PDCD6IP: variants seen among roughly 807,000 people sequenced by gnomAD.
PDCD6IP encodes programmed cell death 6 interacting protein, also known as programmed cell death 6-interacting protein.
PDCD6IP carries 43 observed loss-of-function variants against 103.7 expected under a neutral mutation model. The ratio of observed to expected loss-of-function variants is 0.41; its 90% CI spans 0.32 to 0.53. The LOEUF is 0.53. PDCD6IP is among the 20% of genes least tolerant of loss of function. PDCD6IP has a pLI of 0.16. For synonymous variants in PDCD6IP, 354 were observed against 378.7 expected (o/e 0.93, Z 0.76); for missense variants, 871 against 1,036.7 (o/e 0.84, Z 2.20).
intron 9 of PDCD6IP, among the ~76,000 whole-genome samples, chr3:33,840,886 G>A (rs554416087): frequency 6.6e-6 from 1 of 152,154 alleles, no homozygotes; most frequent in African/African-American, 2.4e-5. Context: ...TAGAGATGCT[G>A]TAACAATCAA....
At chr3:33,854,170 A>G (rs531114287) in intron 14 of PDCD6IP, among the ~76,000 whole-genome samples, 157 bp downstream of exon 14, 3 of 152,200 alleles carry the variant, frequency 2.0e-5, no homozygotes, top group Non-Finnish European at 4.4e-5. Context: ...TAGGAGGGAG[A>G]AAGCTTAATG....
intron 15 of PDCD6IP, among the ~76,000 whole-genome samples, chr3:33,861,416 C>T (rs1035074237): frequency 2.0e-5 from 3 of 152,164 alleles, no homozygotes; most frequent in African/African-American, 7.2e-5. Flanking sequence ...GCTGGGATTA[C>T]AGGCGTGAGC....
At chr3:33,826,603 A>T (rs1312687509) in intron 6 of PDCD6IP, 23 bp downstream of exon 6, 2 of 1,609,822 alleles carry the variant, frequency 1.2e-6, no homozygotes, top group African/African-American at 2.7e-5. Context: ...TTTTATAAAC[A>T]CTTGCTTACT....
intron 8 of PDCD6IP, among the ~76,000 whole-genome samples, chr3:33,836,625 A>T (rs1203571824): frequency 6.6e-6 from 1 of 151,246 alleles, no homozygotes; most frequent in Non-Finnish European, 1.5e-5. Context: ...GGAGGCTGAG[A>T]TGGGTAGATT....
intron 1 of PDCD6IP, among the ~76,000 whole-genome samples, chr3:33,800,354 TG>T (rs2125538627): frequency 6.6e-6 from 1 of 152,208 alleles, no homozygotes; most frequent in East Asian, 1.9e-4. Context: ...TGGAAGTCCA[TG>T]GGAGGCTCCT....
chr3:33,821,284 A>G lies in PDCD6IP; in HGVS notation c.335-671A>G, dbSNP rs1029787858. 2.6e-5 allele frequency among the ~76,000 whole-genome samples: 4 copies of G among 151,754 alleles called. No individual in the cohort carries two copies. The South Asian group carries it at 8.3e-4, about 31-fold the overall frequency. The stretch of plus-strand genomic sequence containing the variant: ...CTCAGCCTACTAAAGTGCTGAGATT[A>G]CAGGAGTGAGCCACCATGCCCAACC... On this transcript the variant is annotated intron_variant, in intron 3 of 17. Coordinates refer to ENST00000307296, the MANE Select transcript of PDCD6IP (RefSeq NM_013374.6).
intron 13 of PDCD6IP, 32 bp downstream of exon 13, chr3:33,852,768 T>G (rs1197007374): frequency 6.5e-7 from 1 of 1,547,694 alleles, no homozygotes; most frequent in East Asian, 2.3e-5. Context: ...AGATCTGTGT[T>G]TTAAAAATTA....
chr3:33,814,768 CAT>C (rs1199983272), intron 3 of PDCD6IP, among the ~76,000 whole-genome samples: 40 of 144,090 alleles, frequency 2.8e-4, no homozygotes, highest in African/African-American at 8.3e-4. Flanking sequence ...CATATACACA[CAT>C]ATATAGTATA....
At chr3:33,852,908 A>G (rs1272460820) in intron 13 of PDCD6IP, among the ~76,000 whole-genome samples, 172 bp downstream of exon 13, 1 of 151,168 alleles carries the variant, frequency 6.6e-6, no homozygotes, top group African/African-American at 2.4e-5. Flanking sequence ...AGTTTTATCT[A>G]TGAAACAAAG....
At chr3:33,829,811 A>T (rs1437876370) in intron 7 of PDCD6IP, among the ~76,000 whole-genome samples, 2 of 152,140 alleles carry the variant, frequency 1.3e-5, no homozygotes, top group Non-Finnish European at 2.9e-5. Flanking sequence ...AAAGAACAGA[A>T]ATTTGTCACA....
rs571028506 is a variant in PDCD6IP at position 33,865,306 on chromosome 3, T to C, written c.2308T>C (p.Ser770Pro). The C allele has an allele frequency of 1.9e-4, 306 of 1,593,928 alleles. 2 individuals carry two copies. The Middle Eastern group carries it at 2.8e-3, about 15-fold the overall frequency. The change falls in exon 17 of 18, where the codon TCT becomes CCT. Residue 770 changes from serine (S) to proline (P), a missense_variant. This residue lies in a region of PDCD6IP where 202 missense variants were observed against 205.2 expected (regional missense o/e 0.98). Coordinates refer to ENST00000307296, the MANE Select transcript of PDCD6IP (RefSeq NM_013374.6). ...TGTGCTTCCAGCAAATCGAGCTCCT[T>C]CTGCTACTGCTCCATCTCCAGTGGG... ...PPVLPANRAP[S>P]ATAPSPVGAG...
At chr3:33,825,585 A>G (rs1160699393) in intron 5 of PDCD6IP, among the ~76,000 whole-genome samples, 1 of 152,200 alleles carries the variant, frequency 6.6e-6, no homozygotes, top group Non-Finnish European at 1.5e-5. Flanking sequence ...TCCATTCTGG[A>G]ATAGTATTTA....
At chr3:33,861,927 C>A (rs532576246) in intron 15 of PDCD6IP, among the ~76,000 whole-genome samples, 3 of 152,134 alleles carry the variant, frequency 2.0e-5, no homozygotes, top group African/African-American at 4.8e-5. Flanking sequence ...GGTTTGAATA[C>A]TACTGTCAGG....
At chr3:33,798,968 T>A in intron 1 of PDCD6IP, 31 bp downstream of exon 1, 1 of 1,484,746 alleles carries the variant, frequency 6.7e-7, no homozygotes, top group Non-Finnish European at 9.1e-7. Flanking sequence ...GGGTAGGTTG[T>A]CTGCCAGCCG....
chr3:33,829,459 G>T (rs1697199093), intron 7 of PDCD6IP, among the ~76,000 whole-genome samples: 1 of 151,794 alleles, frequency 6.6e-6, no homozygotes, highest in Non-Finnish European at 1.5e-5. Flanking sequence ...CACAACTTGA[G>T]GACGACAGTG....
chr3:33,819,712 A>G (rs1696944515), intron 3 of PDCD6IP, among the ~76,000 whole-genome samples: 1 of 152,218 alleles, frequency 6.6e-6, no homozygotes, highest in Non-Finnish European at 1.5e-5. Flanking sequence ...TGGTTTGTTC[A>G]GTGTTTTTTG....
chr3:33,846,311 A>G (rs1333825631), intron 12 of PDCD6IP, among the ~76,000 whole-genome samples: 1 of 152,248 alleles, frequency 6.6e-6, no homozygotes, highest in Admixed American at 6.5e-5. Context: ...TTGTCTTTCC[A>G]TAGAAGCATT....
intron 1 of PDCD6IP, among the ~76,000 whole-genome samples, chr3:33,803,439 T>G (rs1696519962): frequency 6.6e-6 from 1 of 152,240 alleles, no homozygotes; most frequent in Admixed American, 6.5e-5. Flanking sequence ...TCTTTTTCTG[T>G]GATTGCTTGT....
Position 33,864,074 on chromosome 3 carries a change from C to T in PDCD6IP, c.2189C>T (p.Ser730Leu), listed in dbSNP as rs1127732. 287,006 of 1,612,542 alleles carry T rather than the reference C, an allele frequency of 0.18. 29,772 individuals are homozygous for T. Among genetic ancestry groups the T allele is most frequent in the East Asian group, 0.39 (17,367 of 44,828 alleles). The change falls in exon 16 of 18, where the codon TCA (serine) becomes TTA (leucine). Residue 730 changes from serine (S) to leucine (L), a missense_variant. Coordinates refer to ENST00000307296, the MANE Select transcript of PDCD6IP (RefSeq NM_013374.6). The part of the protein sequence containing the change: ...PSIPTPAYQS[S>L]PAGGHAPTPP... ...ATTCCTACACCTGCGTATCAGTCCT[C>T]ACCAGCAGGAGGACATGCACCAACT...
Sources: gnomAD v4.1 joint callset for allele counts (sites outside exome capture counted in the v4.1 genomes callset) on GRCh38, gnomAD v4.1.1 for gene constraint, gnomAD v4.1.1 regional missense constraint, MANE v1.5 for transcripts, NCBI Gene and HGNC (gene_info 2026-07-23, HGNC 2026-07-21) for gene names.